The following BAIAP2L1 variants were observed in gnomAD, a reference collection of about 807,000 sequenced individuals.
BAIAP2L1 encodes BAR/IMD domain-containing adapter protein 2-like 1.
BAIAP2L1 carries 35 observed loss-of-function variants against 66.3 expected under a neutral mutation model. That is an observed-to-expected ratio of 0.53 (90% CI 0.40 to 0.70). The LOEUF (loss-of-function observed/expected upper bound fraction) is 0.70, where lower values mean the gene tolerates loss of function less well. Among genes scored for constraint, BAIAP2L1 ranks in the 30% least tolerant of loss-of-function variants. The probability of loss-of-function intolerance (pLI) is 0.00; values close to 1 mark genes in which losing one functional copy is unlikely to be tolerated. For synonymous variants in BAIAP2L1, 269 were observed against 248.7 expected (o/e 1.08, Z -0.77); for missense variants, 622 against 656.9 (o/e 0.95, Z 0.58).
chr7:98,343,873 A>C (rs944798620), intron 3 of BAIAP2L1, among the ~76,000 whole-genome samples: 2 of 152,200 alleles, frequency 1.3e-5, no homozygotes, highest in African/African-American at 2.4e-5. Flanking sequence ...ACAAATGGGC[A>C]CAGCTGTGTT....
chr7:98,304,160 C>A lies in BAIAP2L1; in HGVS notation c.1422+36G>T, dbSNP rs990709721. ...CGCCTCCCAGTCGGGGATGGCGAGT[C>A]CAGGACCCAGGACGCCCTGCTGCGG... On this transcript the variant is annotated intron_variant, in intron 12 of 13. Coordinates refer to ENST00000005260, the MANE Select transcript of BAIAP2L1 (RefSeq NM_018842.5). The A allele has an allele frequency of 2.6e-6, 4 of 1,525,758 alleles. No homozygotes were observed. The African/African-American group carries it at 5.5e-5, about 21-fold the overall frequency. The allele number at this position is 1,525,758 out of a possible 1,614,324, so 94.5% of individuals were successfully genotyped here.
At chr7:98,375,359 A>G (rs1223102593) in intron 1 of BAIAP2L1, among the ~76,000 whole-genome samples, 1 of 149,728 alleles carries the variant, frequency 6.7e-6, no homozygotes, top group Non-Finnish European at 1.5e-5. Flanking sequence ...CGGCCACTGC[A>G]CTCCAGCCCA....
chr7:98,313,982 CTTT>C (rs35599338), intron 7 of BAIAP2L1, among the ~76,000 whole-genome samples: 5 of 100,970 alleles, frequency 5.0e-5, no homozygotes, highest in Admixed American at 1.3e-4. Context: ...CTTTTTCTTC[CTTT>C]TTTTTTTTTT....
intron 3 of BAIAP2L1, among the ~76,000 whole-genome samples, chr7:98,328,458 T>C (rs1801421821): frequency 6.6e-6 from 1 of 152,138 alleles, no homozygotes; most frequent in African/African-American, 2.4e-5. Context: ...CTCATCTGTG[T>C]AGAGTGCCTG....
chr7:98,356,740 G>A (rs1044715299), intron 2 of BAIAP2L1, among the ~76,000 whole-genome samples: 2 of 149,296 alleles, frequency 1.3e-5, no homozygotes, highest in African/African-American at 4.9e-5. Context: ...ATTTTGCGAG[G>A]CTGAGGTAGG....
At position 98,352,598 on chromosome 7, in the gene BAIAP2L1, C is replaced by T. The variant is rs534542361; in HGVS notation, c.214+2444G>A. On this transcript the variant is annotated intron_variant, in intron 3 of 13. Transcript: ENST00000005260. ...CAGAGGCTGCAGGGAGCCAAGATCA[C>T]GCCACTGCACTCCAGCCTAGGTGAT... Among the ~76,000 whole-genome samples the T allele has an allele frequency of 7.9e-5, 12 of 152,214 alleles. No homozygotes were observed. In the South Asian group the frequency reaches 8.3e-4, roughly 11 times the overall value.
At chr7:98,359,500 T>C (rs1396929586) in intron 2 of BAIAP2L1, among the ~76,000 whole-genome samples, 1 of 152,142 alleles carries the variant, frequency 6.6e-6, no homozygotes, top group Non-Finnish European at 1.5e-5. Context: ...CTCAATCTCT[T>C]GACCTCGTGA....
Position 98,386,411 on chromosome 7 carries a change from T to C in BAIAP2L1, c.51+14391A>G, listed in dbSNP as rs1193475610. 3.1e-6 allele frequency: 5 copies of C among 1,593,280 alleles called. No individual in the cohort carries two copies. In the East Asian group the frequency reaches 1.1e-4, roughly 36 times the overall value. Reference sequence around the variant, plus strand: ...ACACACGACCCTTGAGACCATCAGATGCAATTTTGGTTCCTTGGGTCCTGG... The same window carrying C: ...ACACACGACCCTTGAGACCATCAGACGCAATTTTGGTTCCTTGGGTCCTGG... On this transcript the variant is annotated intron_variant, in intron 1 of 13. Coordinates refer to ENST00000005260, the MANE Select transcript of BAIAP2L1 (RefSeq NM_018842.5).
intron 1 of BAIAP2L1, among the ~76,000 whole-genome samples, chr7:98,394,185 G>A (rs1803142970): frequency 6.6e-6 from 1 of 152,110 alleles, no homozygotes; most frequent in African/African-American, 2.4e-5. Context: ...GGAGCTTGCA[G>A]TGAGCAGAGA....
At chr7:98,392,628 C>T (rs909184530) in intron 1 of BAIAP2L1, among the ~76,000 whole-genome samples, 3 of 152,094 alleles carry the variant, frequency 2.0e-5, no homozygotes, top group African/African-American at 7.2e-5. Flanking sequence ...TATGTCCAAC[C>T]ACAGGGGCTG....
intron 3 of BAIAP2L1, among the ~76,000 whole-genome samples, chr7:98,344,048 G>C (rs1407252379): frequency 6.6e-6 from 1 of 152,182 alleles, no homozygotes; most frequent in Non-Finnish European, 1.5e-5. Flanking sequence ...GGGTGTGGTG[G>C]GTACCTGTAG....
At chr7:98,294,400 G>C (rs993465095) in intron 12 of BAIAP2L1, among the ~76,000 whole-genome samples, 3 of 152,228 alleles carry the variant, frequency 2.0e-5, no homozygotes, top group African/African-American at 7.2e-5. Flanking sequence ...TCACTTGGAA[G>C]AATAAGGCAA....
At chr7:98,389,480 G>A (rs998975085) in intron 1 of BAIAP2L1, among the ~76,000 whole-genome samples, 3 of 151,874 alleles carry the variant, frequency 2.0e-5, no homozygotes, top group Admixed American at 6.6e-5. Context: ...CACCATGCCC[G>A]GCTGATTTTT....
In BAIAP2L1 at chr7:98,294,099, C is replaced by T. The variant is rs759700340; in HGVS notation, c.1435G>A (p.Gly479Arg). Residue 479 changes from glycine to arginine, a missense_variant, in exon 13 of 14, where the codon GGG (glycine) becomes AGG (arginine). Transcript: ENST00000005260. Reference sequence around the variant, plus strand: ...CTGAGAAAAGGCGGCTTTGCAGTCCCGTTGGCATCGTTCTGTGAGAAAGAT... The same window carrying T: ...CTGAGAAAAGGCGGCTTTGCAGTCCTGTTGGCATCGTTCTGTGAGAAAGAT... ...PETAAPNDAN[G>R]TAKPPFLSGE... 9.9e-6 allele frequency: 16 copies of T among 1,614,078 alleles called. No homozygotes were observed. Among genetic ancestry groups the T allele is most frequent in the East Asian group, 2.2e-5 (1 of 44,882 alleles).
chr7:98,315,408 A>G (rs1801037857), intron 7 of BAIAP2L1, 52 bp downstream of exon 7: 6 of 1,333,908 alleles, frequency 4.5e-6, no homozygotes, highest in Non-Finnish European at 5.8e-6. Flanking sequence ...GGGGCATTTA[A>G]ATATGAAATA....
chr7:98,399,482 C>A (rs192667792), intron 1 of BAIAP2L1, among the ~76,000 whole-genome samples: 1 of 152,104 alleles, frequency 6.6e-6, no homozygotes, highest in Admixed American at 6.6e-5. Context: ...AAAAGTCTAT[C>A]AAAATGACTA....
At chr7:98,356,410 TA>T (rs1197798636) in intron 2 of BAIAP2L1, among the ~76,000 whole-genome samples, 1 of 152,144 alleles carries the variant, frequency 6.6e-6, no homozygotes, top group East Asian at 1.9e-4. Flanking sequence ...GTTTTGGAGC[TA>T]AAAGAGCCCT....
At chr7:98,333,363 C>T (rs568618142) in intron 3 of BAIAP2L1, among the ~76,000 whole-genome samples, 6 of 152,074 alleles carry the variant, frequency 3.9e-5, no homozygotes, top group Admixed American at 1.3e-4. Context: ...TTTGGGAGGC[C>T]GAGGCAGGCG....
rs569236882 is a variant in BAIAP2L1, at chr7:98,292,684, T to A, written c.*837A>T. On this transcript the variant is annotated 3_prime_UTR_variant, in exon 14 of 14. Coordinates refer to ENST00000005260, the MANE Select transcript of BAIAP2L1 (RefSeq NM_018842.5). ...TTTACACGTATCCTTTGAGAGTCTG[T>A]ACCTGATTCAAACACGGAGAAACCA... 8 of 1,551,674 alleles carry A rather than the reference T, an allele frequency of 5.2e-6. No homozygotes were observed. In the South Asian group the frequency reaches 9.5e-5, roughly 18 times the overall value.
Sources: gnomAD v4.1 joint callset for allele counts (sites outside exome capture counted in the v4.1 genomes callset) on GRCh38, gnomAD v4.1.1 for gene constraint, MANE v1.5 for transcripts, NCBI Gene and HGNC (gene_info 2026-07-23, HGNC 2026-07-21) for gene names.